Variants in RALGPS1 observed in about 807,000 individuals in gnomAD.
The protein encoded by RALGPS1 is ras-specific guanine nucleotide-releasing factor RalGPS1.
A neutral mutation model predicts 78.8 loss-of-function variants in RALGPS1; 19 were observed. The observed-to-expected ratio is 0.24, with a 90% CI of 0.17 to 0.35. The LOEUF (loss-of-function observed/expected upper bound fraction) is 0.35, where lower values mean the gene tolerates loss of function less well. Ranked by LOEUF, RALGPS1 falls within the 10% of genes least tolerant of loss-of-function variation. RALGPS1 has a pLI of 1.00. For missense variants in RALGPS1, 454 were observed against 688.3 expected (o/e 0.66, Z 3.81); for synonymous variants, 228 against 256.3 (o/e 0.89, Z 1.06).
At chr9:126,999,251 A>T (rs750407203) in intron 4 of RALGPS1, among the ~76,000 whole-genome samples, 1 of 152,156 alleles carries the variant, frequency 6.6e-6, no homozygotes, top group Non-Finnish European at 1.5e-5. Flanking sequence ...CTGACCCCGT[A>T]CATGCACAGC....
At chr9:127,015,510 G>A (rs1260923995) in intron 4 of RALGPS1, among the ~76,000 whole-genome samples, 2 of 152,192 alleles carry the variant, frequency 1.3e-5, no homozygotes, top group South Asian at 2.1e-4. Context: ...GACTCTGTTC[G>A]CCTCTCAAAG....
chr9:127,118,110 A>G (rs1439439894), intron 8 of RALGPS1, among the ~76,000 whole-genome samples: 1 of 152,204 alleles, frequency 6.6e-6, no homozygotes, highest in Non-Finnish European at 1.5e-5. Context: ...ACTGGAGTGC[A>G]GTGGCGCGAT....
chr9:126,935,995 T>C (rs537106813), intron 1 of RALGPS1, among the ~76,000 whole-genome samples: 3 of 152,306 alleles, frequency 2.0e-5, no homozygotes, highest in Admixed American at 6.5e-5. Context: ...TCCATTCAGC[T>C]AGGGGAGGAC....
chr9:127,011,145 G>C (rs1408378599), intron 4 of RALGPS1, among the ~76,000 whole-genome samples: 1 of 152,082 alleles, frequency 6.6e-6, no homozygotes, highest in African/African-American at 2.4e-5. Flanking sequence ...AGATGCATAG[G>C]GTGTTCCTAG....
intron 4 of RALGPS1, among the ~76,000 whole-genome samples, chr9:126,989,578 G>A (rs182864559): frequency 5.4e-4 from 82 of 152,254 alleles, no homozygotes; most frequent in African/African-American, 1.9e-3. Context: ...TTAGTGGAAG[G>A]CAGGCCAGGG....
At chr9:127,195,408 C>G (rs1484670576) in intron 12 of RALGPS1, among the ~76,000 whole-genome samples, 191 bp downstream of exon 12, 1 of 152,204 alleles carries the variant, frequency 6.6e-6, no homozygotes, top group Non-Finnish European at 1.5e-5. Flanking sequence ...AGCTGAGGGG[C>G]ACTGTGGCAG....
In RALGPS1 at chr9:127,069,455, A is replaced by G. The variant is rs935232902; in HGVS notation, c.610+99A>G. On this transcript the variant is annotated intron_variant, in intron 8 of 18. Transcript: ENST00000259351. Reference sequence around the variant, plus strand: ...ACCTGAAAAATTTCCAGGAAGCGACATGGCCCGTAGATAAAGAGGCAATTG... The same window carrying G: ...ACCTGAAAAATTTCCAGGAAGCGACGTGGCCCGTAGATAAAGAGGCAATTG... 25 of 1,401,366 alleles carry G rather than the reference A, an allele frequency of 1.8e-5. No homozygotes were observed. In the African/African-American group the frequency reaches 2.7e-4, roughly 15 times the overall value. 86.8% of individuals were successfully genotyped at this position (1,401,366 alleles called of 1,614,324 possible).
chr9:126,936,253 G>A (rs1264681610), intron 1 of RALGPS1, among the ~76,000 whole-genome samples: 1 of 152,220 alleles, frequency 6.6e-6, no homozygotes. Context: ...TCTTGGCCAT[G>A]GAAGGGAGAG....
At chr9:126,935,304 A>C (rs1205413679) in intron 1 of RALGPS1, among the ~76,000 whole-genome samples, 1 of 152,178 alleles carries the variant, frequency 6.6e-6, no homozygotes, top group East Asian at 1.9e-4. Context: ...ACGTTACAAG[A>C]CTGAAACCAG....
At position 127,071,035 on chromosome 9, in the gene RALGPS1, C is replaced by CTATA. The variant is rs1157387008; in HGVS notation, c.610+1680_610+1681insATAT. Among the ~76,000 whole-genome samples, 430 of 121,892 alleles carry CTATA rather than the reference C, an allele frequency of 3.5e-3. 1 individual carries two copies. The highest frequency in any genetic ancestry group is 1.0e-2 in the African/African-American group (370 of 37,016). The allele number at this position is 121,892 out of a possible 152,430, so 80.0% of individuals were successfully genotyped here. On this transcript the variant is annotated intron_variant, in intron 8 of 18. Coordinates refer to ENST00000259351, the MANE Select transcript of RALGPS1 (RefSeq NM_014636.3). ...CTTATAAATTTGAATCTCTCTCTCT[C>CTATA]TCTCTATATATATATACACTAAATA...
chr9:127,025,723 G>T (rs2045906653), intron 4 of RALGPS1, among the ~76,000 whole-genome samples: 1 of 150,204 alleles, frequency 6.7e-6, no homozygotes, highest in Admixed American at 6.6e-5. Flanking sequence ...GACAGTCTTT[G>T]TTCTGTCATC....
intron 7 of RALGPS1, among the ~76,000 whole-genome samples, chr9:127,061,041 C>T (rs569485319): frequency 6.0e-4 from 91 of 152,256 alleles, no homozygotes; most frequent in Non-Finnish European, 8.5e-4. Flanking sequence ...TTGGTCTGTC[C>T]TCGTGAGTGT....
intron 8 of RALGPS1, among the ~76,000 whole-genome samples, chr9:127,070,888 A>T (rs1028242457): frequency 6.6e-6 from 1 of 151,666 alleles, no homozygotes; most frequent in Non-Finnish European, 1.5e-5. Context: ...TAGAATATTT[A>T]ATTCTTTTAA....
At chr9:126,947,974 A>AT (rs899310734) in intron 1 of RALGPS1, among the ~76,000 whole-genome samples, 1 of 151,858 alleles carries the variant, frequency 6.6e-6, no homozygotes, top group African/African-American at 2.4e-5. Context: ...AGAGAACTAC[A>AT]TTTTTTTTAG....
chr9:127,018,332 G>A (rs934445141), intron 4 of RALGPS1, among the ~76,000 whole-genome samples: 1 of 151,558 alleles, frequency 6.6e-6, no homozygotes, highest in Non-Finnish European at 1.5e-5. Flanking sequence ...AACAGTAGAA[G>A]GAGCACATTC....
intron 4 of RALGPS1, among the ~76,000 whole-genome samples, chr9:127,022,582 C>T (rs1315830196): frequency 6.6e-6 from 1 of 152,062 alleles, no homozygotes; most frequent in Non-Finnish European, 1.5e-5. Flanking sequence ...CCACCCCTGT[C>T]CTGTCTCACT....
chr9:126,997,071 A>G (rs932249041), intron 4 of RALGPS1, among the ~76,000 whole-genome samples: 3 of 152,358 alleles, frequency 2.0e-5, no homozygotes, highest in African/African-American at 4.8e-5. Context: ...CCCACAGCCA[A>G]TATCATACTG....
chr9:127,064,870 TA>T (rs1420225567), intron 7 of RALGPS1, among the ~76,000 whole-genome samples: 2 of 144,918 alleles, frequency 1.4e-5, no homozygotes, highest in Non-Finnish European at 3.0e-5. Flanking sequence ...TGGATTTATT[TA>T]TTTTTTTGTT....
chr9:127,217,160 CA>C, intron 18 of RALGPS1: 1 of 1,258,992 alleles, frequency 7.9e-7, no homozygotes. Context: ...GGGTCAGTTT[CA>C]TGTATTGGCA....
Sources: allele counts gnomAD v4.1 joint callset (sites outside exome capture counted in the v4.1 genomes callset), GRCh38; gene constraint gnomAD v4.1.1; transcripts MANE v1.5; gene names NCBI Gene and HGNC (gene_info 2026-07-23, HGNC 2026-07-21).